THADA: variants seen among roughly 807,000 people sequenced by gnomAD.
THADA encodes the protein THADA armadillo repeat containing, also known as tRNA (32-2'-O)-methyltransferase regulator THADA.
In THADA, 213 loss-of-function variants were observed where a neutral mutation model predicts 219.8. That is an observed-to-expected ratio of 0.97 (90% confidence interval 0.87 to 1.09). The LOEUF (loss-of-function observed/expected upper bound fraction) is 1.09, where lower values mean the gene tolerates loss of function less well. Among genes scored for constraint, THADA ranks in the 50% least tolerant of loss-of-function variants. The pLI, the probability that THADA is intolerant of heterozygous loss-of-function variation, is 0.00. For synonymous variants in THADA, 1,018 were observed against 828.9 expected, an observed-to-expected ratio of 1.23 and a Z score of -3.92; for missense variants, 2,956 against 2,311.3, an observed-to-expected ratio of 1.28 and a Z score of -5.72.
chr2:43,537,321 A>G (rs1574138878), intron 21 of THADA, among the ~76,000 whole-genome samples: 1 of 152,120 alleles, frequency 6.6e-6, no homozygotes, highest in South Asian at 2.1e-4. Flanking sequence ...CCTCTATTGT[A>G]TTTCTAAGCC....
intron 24 of THADA, among the ~76,000 whole-genome samples, chr2:43,504,148 A>T (rs908359198): frequency 6.6e-6 from 1 of 152,230 alleles, no homozygotes; most frequent in Non-Finnish European, 1.5e-5. Flanking sequence ...GTACTTTTTA[A>T]AAGTGATAGT....
chr2:43,230,924 C>CCAT lies in THADA; in HGVS notation c.*21_*23dup. The CCAT allele has an allele frequency of 1.3e-6, 2 of 1,585,704 alleles. No homozygotes were observed. Among genetic ancestry groups the CCAT allele is most frequent in the Non-Finnish European group, 1.7e-6 (2 of 1,162,510 alleles). Reference sequence around the variant, plus strand: ...GTGGAGGAAAAATCCACACATACCCCCATCCCAATCCCCCAGATTTTCTTC... The same window carrying CCAT: ...GTGGAGGAAAAATCCACACATACCCCCATCATCCCAATCCCCCAGATTTTCTTC... On this transcript the variant is annotated 3_prime_UTR_variant, in exon 38 of 38. Coordinates refer to ENST00000405975, the MANE Select transcript of THADA (RefSeq NM_022065.5).
Position 43,440,483 on chromosome 2 carries a change from A to G in THADA, c.3837-10181T>C, listed in dbSNP as rs544949862. 3.9e-5 allele frequency among the ~76,000 whole-genome samples: 6 copies of G among 152,320 alleles called. No homozygotes were observed. The East Asian group carries it at 1.2e-3, about 29-fold the overall frequency. On this transcript the variant is annotated intron_variant, in intron 26 of 37. Transcript: ENST00000405975. ...AAGCAAAATCATTCCACTACAGGCC[A>G]TTGTTATATTCTTGACCACCTCAGA...
chr2:43,430,067 G>A, intron 27 of THADA, 146 bp downstream of exon 27: 2 of 448,768 alleles, frequency 4.5e-6, no homozygotes, highest in South Asian at 1.0e-4. Flanking sequence ...GGGTGACAGG[G>A]AAAGACCCTG....
At chr2:43,539,485 T>A (rs1695029977) in intron 21 of THADA, among the ~76,000 whole-genome samples, 1 of 152,238 alleles carries the variant, frequency 6.6e-6, no homozygotes, top group South Asian at 2.1e-4. Flanking sequence ...TGACTTTGGA[T>A]TTTTATTGAC....
chr2:43,594,907 CATT>C (rs769200025), intron 1 of THADA, among the ~76,000 whole-genome samples: 15 of 152,176 alleles, frequency 9.9e-5, no homozygotes, highest in Admixed American at 2.0e-4. Flanking sequence ...ACGTAGACAC[CATT>C]TCCGTTAATT....
rs916925481 is a variant in THADA, at chr2:43,520,875, C to T, written c.3374+7004G>A. Among the ~76,000 whole-genome samples, 10 of 135,794 alleles carry T rather than the reference C, an allele frequency of 7.4e-5. 1 individual carries two copies. Among genetic ancestry groups the T allele is most frequent in the East Asian group, 2.2e-4 (1 of 4,482 alleles). 89.1% of individuals were successfully genotyped at this position (135,794 alleles called of 152,430 possible). On this transcript the variant is annotated intron_variant, in intron 22 of 37. Coordinates refer to ENST00000405975, the MANE Select transcript of THADA (RefSeq NM_022065.5). ...CCCAATCAGAACCTAGAAAGCAGCA[C>T]GGTATGAAGAGTAGAAATTCTTAAA...
Position 43,560,293 on chromosome 2 carries a change from C to A in THADA, c.2404G>T (p.Val802Leu), listed in dbSNP as rs749514382. The change falls in exon 16 of 38, where the codon GTG becomes TTG. Residue 802 changes from valine to leucine, a missense_variant. Coordinates refer to ENST00000405975, the MANE Select transcript of THADA (RefSeq NM_022065.5). The stretch of plus-strand genomic sequence containing the variant: ...AGAAGATCAAATGCTAAAATTTTCA[C>A]GTCTTCAAAAGTGCTGGTAAAACAT... Reference protein sequence around the residue: ...MECFTSTFEDVKILAFDLLMK... With the variant: ...MECFTSTFEDLKILAFDLLMK... 6.2e-7 allele frequency: 1 copy of A among 1,612,158 alleles called. No individual in the cohort carries two copies. The highest frequency in any genetic ancestry group is 1.7e-5 in the Admixed American group (1 of 59,786).
intron 36 of THADA, among the ~76,000 whole-genome samples, chr2:43,235,555 G>A (rs1463881226): frequency 6.6e-6 from 1 of 152,158 alleles, no homozygotes; most frequent in Non-Finnish European, 1.5e-5. Context: ...GCTTCCCAAA[G>A]TGCTGGGATT....
At chr2:43,316,593 G>T (rs1678105616) in intron 31 of THADA, among the ~76,000 whole-genome samples, 1 of 152,154 alleles carries the variant, frequency 6.6e-6, no homozygotes, top group Non-Finnish European at 1.5e-5. Flanking sequence ...ATGCTGCACG[G>T]CTGGAGGAGA....
chr2:43,300,578 G>T (rs559081053), intron 31 of THADA, among the ~76,000 whole-genome samples: 3 of 152,248 alleles, frequency 2.0e-5, no homozygotes, highest in South Asian at 2.1e-4. Flanking sequence ...ATTTAAGGTG[G>T]GCCCTGAGGC....
Position 43,572,823 on chromosome 2 carries a change from C to T in THADA, c.1899G>A (p.Gln633=), listed in dbSNP as rs1699444812. Residue 633 remains glutamine (Q), a synonymous_variant, in exon 12 of 38, where the codon CAG becomes CAA. Transcript: ENST00000405975. ...DARIKQGLIH[Q]HCQVRIDTLG... is the part of the protein sequence containing the mutation. The stretch of plus-strand genomic sequence containing the variant: ...AATTTTCTTTACTTACTTGGCAATG[C>T]TGATGAATTAAGCCTTGCTTTATTC... 1.2e-6 allele frequency: 2 copies of T among 1,613,332 alleles called. No individual in the cohort carries two copies. Among genetic ancestry groups the T allele is most frequent in the African/African-American group, 1.3e-5 (1 of 75,020 alleles).
chr2:43,548,281 G>A (rs1167821010), intron 20 of THADA, among the ~76,000 whole-genome samples: 1 of 152,208 alleles, frequency 6.6e-6, no homozygotes, highest in Non-Finnish European at 1.5e-5. Flanking sequence ...CCCTACTGGG[G>A]GGTGCCTCCC....
At chr2:43,501,948 A>C (rs1689049075) in intron 24 of THADA, among the ~76,000 whole-genome samples, 1 of 152,156 alleles carries the variant, frequency 6.6e-6, no homozygotes, top group Non-Finnish European at 1.5e-5. Flanking sequence ...CATCTCAAAA[A>C]AGTTGAAACA....
In THADA at chr2:43,577,262, C is replaced by T. The variant is rs761242226; in HGVS notation, c.817-20G>A. ...GCTAATCTGGAAAAATATAGCAGAGCTAACACACATAAAGCTTTTAAAACT... is the reference window on the plus strand; with the variant it reads ...GCTAATCTGGAAAAATATAGCAGAGTTAACACACATAAAGCTTTTAAAACT... On this transcript the variant is annotated intron_variant, in intron 9 of 37. Coordinates refer to ENST00000405975, the MANE Select transcript of THADA (RefSeq NM_022065.5). The T allele has an allele frequency of 3.3e-6, 5 of 1,536,306 alleles. No homozygotes were observed. The highest frequency in any genetic ancestry group is 4.8e-5 in the East Asian group (2 of 41,692).
At chr2:43,550,356 GTTCC>G (rs1696608872) in intron 19 of THADA, among the ~76,000 whole-genome samples, 1 of 152,110 alleles carries the variant, frequency 6.6e-6, no homozygotes, top group Non-Finnish European at 1.5e-5. Context: ...AACATCTTAT[GTTCC>G]TTCCTGGAAT....
intron 31 of THADA, among the ~76,000 whole-genome samples, chr2:43,304,411 T>C (rs1472686208): frequency 6.6e-6 from 1 of 152,148 alleles, no homozygotes; most frequent in African/African-American, 2.4e-5. Context: ...GTTTCACTAC[T>C]ACAAAATGTC....
intron 26 of THADA, among the ~76,000 whole-genome samples, chr2:43,443,494 C>A (rs1261179153): frequency 6.6e-6 from 1 of 152,188 alleles, no homozygotes; most frequent in Non-Finnish European, 1.5e-5. Context: ...TAAGTTACCA[C>A]TGCAGATATA....
chr2:43,582,297 GA>G (rs1285729088), intron 7 of THADA, among the ~76,000 whole-genome samples: 1 of 152,028 alleles, frequency 6.6e-6, no homozygotes, highest in Non-Finnish European at 1.5e-5. Flanking sequence ...TGGAGTTTGG[GA>G]CCAGCTTGGC....
Sources: allele counts gnomAD v4.1 joint callset (sites outside exome capture counted in the v4.1 genomes callset), GRCh38; gene constraint gnomAD v4.1.1; transcripts MANE v1.5; gene names NCBI Gene and HGNC (gene_info 2026-07-23, HGNC 2026-07-21).